ZBED4: variants seen among roughly 807,000 people sequenced by gnomAD.
ZBED4 encodes the protein zinc finger BED domain-containing protein 4.
ZBED4 carries 4 observed loss-of-function variants against 15.5 expected under a neutral mutation model. That is an observed-to-expected ratio of 0.26 (90% confidence interval 0.13 to 0.59). ZBED4 has a LOEUF of 0.59. Among genes scored for constraint, ZBED4 ranks in the 20% least tolerant of loss-of-function variants. The pLI, the probability that ZBED4 is intolerant of heterozygous loss-of-function variation, is 0.90. For missense variants in ZBED4, 1,323 were observed against 1,461.8 expected, an observed-to-expected ratio of 0.91 and a Z score of 1.55; for synonymous variants, 692 against 608.5, an observed-to-expected ratio of 1.14 and a Z score of -2.02.
rs9628157 is a variant in ZBED4 at position 49,861,159 on chromosome 22, A to T, written c.-330+7170A>T. ...CTCATTTCCCCTCCTGTCTTTCACA[A>T]AAGTTAGCATGGGCTGTTGACACTG... On this transcript the variant is annotated intron_variant, in intron 1 of 1. Transcript: ENST00000216268. 5.2e-3 allele frequency among the ~76,000 whole-genome samples: 792 copies of T among 152,252 alleles called. 3 individuals are homozygous for T. Among genetic ancestry groups the T allele is most frequent in the African/African-American group, 0.018 (763 of 41,554 alleles).
chr22:49,869,436 T>C (rs988965695), intron 1 of ZBED4, among the ~76,000 whole-genome samples: 14 of 152,344 alleles, frequency 9.2e-5, no homozygotes, highest in Admixed American at 3.9e-4. Context: ...CACTCTTGCG[T>C]GGACTTTAGT....
chr22:49,862,984 G>T (rs1215275129), intron 1 of ZBED4, among the ~76,000 whole-genome samples: 1 of 152,056 alleles, frequency 6.6e-6, no homozygotes, highest in Non-Finnish European at 1.5e-5. Context: ...TTACAGGTGT[G>T]AGCCACCGCA....
At chr22:49,856,939 G>C (rs2060277434) in intron 1 of ZBED4, among the ~76,000 whole-genome samples, 1 of 152,192 alleles carries the variant, frequency 6.6e-6, no homozygotes, top group African/African-American at 2.4e-5. Context: ...GTCTTTCCCA[G>C]CAAACTCTGT....
At chr22:49,863,625 CAAAA>C (rs59800105) in intron 1 of ZBED4, among the ~76,000 whole-genome samples, 3 of 94,320 alleles carry the variant, frequency 3.2e-5, no homozygotes, top group Non-Finnish European at 2.5e-5. Context: ...GACTCCGTCT[CAAAA>C]AAAAAAAAAA....
chr22:49,886,207 C>G lies in ZBED4; in HGVS notation c.2545C>G (p.Leu849Val), dbSNP rs1274964826. 1 of 796,494 alleles carries G rather than the reference C, an allele frequency of 1.3e-6. No individual in the cohort carries two copies. The highest frequency in any genetic ancestry group is 1.5e-5 in the South Asian group (1 of 65,176). 49.3% of individuals were successfully genotyped at this position (796,494 alleles called of 1,614,324 possible). Reference sequence around the variant, plus strand: ...TAAGAGCCAGCGGATGGTGCAGAACCTGCTGAGCCTCGCCCGGAAGATCTG... The same window carrying G: ...TAAGAGCCAGCGGATGGTGCAGAACGTGCTGAGCCTCGCCCGGAAGATCTG... ...AIKSQRMVQN[L>V]LSLARKICER... is the part of the protein sequence containing the mutation. The change falls in exon 2 of 2, where the codon CTG becomes GTG. Residue 849 changes from leucine (L) to valine (V), a missense_variant. Leu to Val is a conservative substitution (Grantham distance 32, BLOSUM62 1). Coordinates refer to ENST00000216268, the MANE Select transcript of ZBED4 (RefSeq NM_014838.3). This position sits in a 1 kb window ranked among gnomAD's most constrained non-coding sequence, Gnocchi z 7.7.
chr22:49,857,185 C>T (rs572567120), intron 1 of ZBED4, among the ~76,000 whole-genome samples: 39 of 152,306 alleles, frequency 2.6e-4, no homozygotes, highest in African/African-American at 8.9e-4. Flanking sequence ...ATGTGCATTT[C>T]GGAGAGCTCT....
chr22:49,883,658 C>A lies in ZBED4; in HGVS notation c.-5C>A. The A allele has an allele frequency of 1.3e-6, 2 of 1,550,132 alleles. No homozygotes were observed. Among genetic ancestry groups the A allele is most frequent in the South Asian group, 2.4e-5 (2 of 81,876 alleles). On this transcript the variant is annotated 5_prime_UTR_variant, in exon 2 of 2. Transcript: ENST00000216268. ...AAGATACAGCCGGAGTAGTTATGGTCAGTCATGGAGAATAACTTGAAAACT... is the reference window on the plus strand; with the variant it reads ...AAGATACAGCCGGAGTAGTTATGGTAAGTCATGGAGAATAACTTGAAAACT...
At chr22:49,861,233 C>G (rs1480351123) in intron 1 of ZBED4, among the ~76,000 whole-genome samples, 1 of 151,904 alleles carries the variant, frequency 6.6e-6, no homozygotes, top group Admixed American at 6.6e-5. Context: ...GAGTCTCGCT[C>G]TGGATTCAAG....
chr22:49,881,660 T>C (rs1207548575), intron 1 of ZBED4, among the ~76,000 whole-genome samples: 1 of 152,174 alleles, frequency 6.6e-6, no homozygotes, highest in African/African-American at 2.4e-5. Context: ...AGCTTGGGAC[T>C]ACAGGCTCAC....
chr22:49,884,907 ATCT>A lies in ZBED4; in HGVS notation c.1248_1250del (p.Ser417del). 6.2e-7 allele frequency: 1 copy of A among 1,602,918 alleles called. No individual in the cohort carries two copies. ...TGATGGAAGACGTGGCGGCCTTCTC[ATCT>A]TCCGATGACATAGGGGAGGCCTCGG... On this transcript the variant is annotated inframe_deletion, in exon 2 of 2. Coordinates refer to ENST00000216268, the MANE Select transcript of ZBED4 (RefSeq NM_014838.3).
intron 1 of ZBED4, among the ~76,000 whole-genome samples, chr22:49,882,147 G>A (rs1282275261): frequency 6.6e-6 from 1 of 152,190 alleles, no homozygotes; most frequent in East Asian, 1.9e-4. Flanking sequence ...TCCCTGTGGG[G>A]GTGACCCATG....
intron 1 of ZBED4, among the ~76,000 whole-genome samples, chr22:49,855,810 G>T (rs2060272776): frequency 6.6e-6 from 1 of 151,202 alleles, no homozygotes; most frequent in South Asian, 2.2e-4. Context: ...CAGCCCTGGG[G>T]TAGAGGCCAA....
intron 1 of ZBED4, among the ~76,000 whole-genome samples, chr22:49,865,867 T>G (rs1318456960): frequency 1.3e-5 from 2 of 151,598 alleles, no homozygotes; most frequent in Non-Finnish European, 2.9e-5. Context: ...CATTTTCTTT[T>G]TTTTTTTTTT....
At chr22:49,872,253 C>T (rs1161566555) in intron 1 of ZBED4, among the ~76,000 whole-genome samples, 2 of 152,150 alleles carry the variant, frequency 1.3e-5, no homozygotes, top group African/African-American at 2.4e-5. Flanking sequence ...GCATCTCCAC[C>T]AGGAGTAGAT....
intron 1 of ZBED4, among the ~76,000 whole-genome samples, chr22:49,875,418 CTTTTT>C (rs55993655): frequency 1.5e-4 from 22 of 145,174 alleles, no homozygotes; most frequent in Non-Finnish European, 3.0e-4. Context: ...AATTTATTTT[CTTTTT>C]TTTTTTCTTT....
At position 49,886,664 on chromosome 22, in the gene ZBED4, G is replaced by A. The variant is rs147437900; in HGVS notation, c.3002G>A (p.Arg1001Gln). The stretch of plus-strand genomic sequence containing the variant: ...CTGTCTGCCACCCTCCACGACCCGC[G>A]GTACGTCTTCGCCACGCTGCTGGAT... Reference protein sequence around the residue: ...SRLSATLHDPRYVFATLLDPR... With the variant: ...SRLSATLHDPQYVFATLLDPR... Residue 1001 changes from arginine to glutamine, a missense_variant, in exon 2 of 2, where the codon CGG becomes CAG. This residue lies in a region of ZBED4 where 312 missense variants were observed against 410.7 expected (regional missense o/e 0.76). Coordinates refer to ENST00000216268, the MANE Select transcript of ZBED4 (RefSeq NM_014838.3). The surrounding 1 kb of genome is among the most constrained non-coding windows in gnomAD (Gnocchi z 7.7). 16 of 1,609,162 alleles carry A rather than the reference G, an allele frequency of 9.9e-6. No individual in the cohort carries two copies. Among genetic ancestry groups the A allele is most frequent in the African/African-American group, 9.4e-5 (7 of 74,778 alleles).
intron 1 of ZBED4, among the ~76,000 whole-genome samples, chr22:49,864,647 T>C (rs1268912076): frequency 6.6e-6 from 1 of 151,664 alleles, no homozygotes; most frequent in East Asian, 1.9e-4. Flanking sequence ...TGAGACCCCC[T>C]CTCTACAAAA....
At chr22:49,876,133 T>C (rs2060375262) in intron 1 of ZBED4, among the ~76,000 whole-genome samples, 1 of 152,236 alleles carries the variant, frequency 6.6e-6, no homozygotes, top group African/African-American at 2.4e-5. Flanking sequence ...TTCAGTTCCT[T>C]TGTCAGAAAC....
chr22:49,879,484 A>T (rs1162817860), intron 1 of ZBED4, among the ~76,000 whole-genome samples: 3 of 151,642 alleles, frequency 2.0e-5, no homozygotes, highest in African/African-American at 7.2e-5. Flanking sequence ...GGCACACACC[A>T]CTATATCCGC....
Sources: gnomAD v4.1 joint callset for allele counts (sites outside exome capture counted in the v4.1 genomes callset) on GRCh38, gnomAD v4.1.1 for gene constraint, gnomAD v4.1.1 regional missense constraint, Gnocchi (gnomAD v3.1) non-coding constraint, MANE v1.5 for transcripts, NCBI Gene and HGNC (gene_info 2026-07-23, HGNC 2026-07-21) for gene names.